Variants in PLD5 observed in about 807,000 individuals in gnomAD.
PLD5 encodes inactive phospholipase D5.
PLD5 carries 36 observed loss-of-function variants against 61.1 expected under a neutral mutation model. That is an observed-to-expected ratio of 0.59 (90% CI 0.45 to 0.78). PLD5 has a LOEUF of 0.78. Among genes scored for constraint, PLD5 ranks in the 30% least tolerant of loss-of-function variants. The pLI is 0.00. For missense variants in PLD5, 515 were observed against 644.4 expected, an observed-to-expected ratio of 0.80 and a Z score of 2.17; for synonymous variants, 243 against 242.8, an observed-to-expected ratio of 1.00 and a Z score of -0.01.
chr1:242,111,779 T>C (rs1661524100), intron 7 of PLD5, among the ~76,000 whole-genome samples: 2 of 150,092 alleles, frequency 1.3e-5, no homozygotes, highest in Admixed American at 1.3e-4. Flanking sequence ...TGATGACCTT[T>C]CAATTTAGAA....
intron 1 of PLD5, among the ~76,000 whole-genome samples, chr1:242,472,697 A>C (rs1010343559): frequency 1.3e-5 from 2 of 152,244 alleles, no homozygotes; most frequent in African/African-American, 4.8e-5. Flanking sequence ...TCAAATGACT[A>C]AAGTTGTAAC....
intron 1 of PLD5, among the ~76,000 whole-genome samples, chr1:242,430,714 C>A (rs1278529907): frequency 6.6e-6 from 1 of 152,142 alleles, no homozygotes; most frequent in African/African-American, 2.4e-5. Flanking sequence ...GCTGGTTCTC[C>A]TCCTCTGACT....
intron 5 of PLD5, among the ~76,000 whole-genome samples, chr1:242,197,742 C>G (rs12124799): frequency 0.41 from 61,417 of 151,368 alleles, 12,930 homozygotes; most frequent in South Asian, 0.58. Context: ...TCAAGCAATT[C>G]TCCCGCCTCA....
intron 5 of PLD5, chr1:242,192,429 A>C (rs2148932470): frequency 6.6e-6 from 1 of 152,128 alleles, no homozygotes; most frequent in Admixed American, 6.5e-5. Flanking sequence ...GAGTGACCTT[A>C]CCTCTGTGCT....
intron 5 of PLD5, among the ~76,000 whole-genome samples, chr1:242,177,023 C>T (rs1252583269): frequency 6.6e-6 from 1 of 152,144 alleles, no homozygotes; most frequent in African/African-American, 2.4e-5. Context: ...GTGGCAATTC[C>T]TCAAGGATCT....
intron 5 of PLD5, among the ~76,000 whole-genome samples, chr1:242,181,659 T>C (rs1194825582): frequency 1.3e-5 from 2 of 150,140 alleles, no homozygotes; most frequent in Admixed American, 6.6e-5. Context: ...CTTCAATGGT[T>C]TTTTTTTGTT....
At chr1:242,424,124 G>A (rs929149977) in intron 1 of PLD5, among the ~76,000 whole-genome samples, 3 of 152,194 alleles carry the variant, frequency 2.0e-5, no homozygotes, top group Non-Finnish European at 4.4e-5. Flanking sequence ...GAAGATAAGT[G>A]TTTGTAATCC....
chr1:242,335,924 T>C (rs1218340316), intron 2 of PLD5, among the ~76,000 whole-genome samples: 1 of 152,192 alleles, frequency 6.6e-6, no homozygotes, highest in East Asian at 1.9e-4. Flanking sequence ...ATGTTATTTA[T>C]TTTGTTACTA....
intron 7 of PLD5, among the ~76,000 whole-genome samples, chr1:242,108,989 C>T (rs1236925762): frequency 1.3e-5 from 2 of 152,204 alleles, no homozygotes; most frequent in Non-Finnish European, 2.9e-5. Flanking sequence ...CTTCCTCTTG[C>T]TCTTGGCAAA....
At chr1:242,457,621 G>C (rs1220593500) in intron 1 of PLD5, among the ~76,000 whole-genome samples, 1 of 152,114 alleles carries the variant, frequency 6.6e-6, no homozygotes, top group African/African-American at 2.4e-5. Flanking sequence ...AGAGAAATTT[G>C]CTGAAAAAGC....
chr1:242,508,045 C>T (rs1668783401), intron 1 of PLD5, among the ~76,000 whole-genome samples: 1 of 151,260 alleles, frequency 6.6e-6, no homozygotes. Flanking sequence ...TAGCTTTTCA[C>T]CAGTAGCAGG....
At chr1:242,206,226 A>T (rs1669304148) in intron 5 of PLD5, among the ~76,000 whole-genome samples, 1 of 152,142 alleles carries the variant, frequency 6.6e-6, no homozygotes, top group Admixed American at 6.5e-5. Flanking sequence ...GTTTCTGTTG[A>T]CAATATGGCT....
At chr1:242,341,670 C>T (rs1381878549) in intron 2 of PLD5, among the ~76,000 whole-genome samples, 1 of 141,012 alleles carries the variant, frequency 7.1e-6, no homozygotes, top group Non-Finnish European at 1.5e-5. Flanking sequence ...GAAACTTATA[C>T]ATTGGTTACC....
chr1:242,286,600 G>T (rs1300449263), intron 3 of PLD5, among the ~76,000 whole-genome samples: 1 of 152,038 alleles, frequency 6.6e-6, no homozygotes, highest in Non-Finnish European at 1.5e-5. Context: ...GAAATTGACT[G>T]CCCCCACACA....
At chr1:242,242,636 C>A (rs776938303) in intron 4 of PLD5, among the ~76,000 whole-genome samples, 20 of 152,188 alleles carry the variant, frequency 1.3e-4, no homozygotes, top group Non-Finnish European at 2.2e-4. Context: ...TTTTCTGTGT[C>A]TCAGTTTTCT....
chr1:242,233,954 T>C (rs537522439), intron 4 of PLD5, among the ~76,000 whole-genome samples: 1 of 152,274 alleles, frequency 6.6e-6, no homozygotes, highest in South Asian at 2.1e-4. Flanking sequence ...CCTTTCTACA[T>C]GGGAGATGTG....
At chr1:242,116,630 A>C (rs1188017102) in intron 6 of PLD5, among the ~76,000 whole-genome samples, 1 of 151,854 alleles carries the variant, frequency 6.6e-6, no homozygotes, top group Admixed American at 6.6e-5. Flanking sequence ...TGAGTAACCA[A>C]TGTTTACCTC....
chr1:242,432,982 T>A (rs889140098), intron 1 of PLD5, among the ~76,000 whole-genome samples: 4 of 152,170 alleles, frequency 2.6e-5, no homozygotes, highest in African/African-American at 9.7e-5. Context: ...TCAAAGTTTC[T>A]GTGGCAGATG....
chr1:242,106,726 C>A (rs75683004), intron 8 of PLD5, among the ~76,000 whole-genome samples: 124 of 152,244 alleles, frequency 8.1e-4, no homozygotes, highest in African/African-American at 2.9e-3. Context: ...CCCTTGATAC[C>A]CTGGGTCCCT....
Sources: gnomAD v4.1 joint callset for allele counts (sites outside exome capture counted in the v4.1 genomes callset) on GRCh38, gnomAD v4.1.1 for gene constraint, MANE v1.5 for transcripts, NCBI Gene and HGNC (gene_info 2026-07-23, HGNC 2026-07-21) for gene names.